SLC20A1: variants seen among roughly 807,000 people sequenced by gnomAD.
The protein encoded by SLC20A1 is sodium-dependent phosphate transporter 1.
Under a neutral mutation model 62.7 loss-of-function variants are expected in SLC20A1, and 28 were observed. That is an observed-to-expected ratio of 0.45 (90% CI 0.33 to 0.61). The LOEUF (loss-of-function observed/expected upper bound fraction) is 0.61. Ranked by LOEUF, SLC20A1 falls within the 20% of genes least tolerant of loss-of-function variation. The pLI is 0.02. For synonymous variants in SLC20A1, 305 were observed against 302.9 expected (o/e 1.01, Z -0.07); for missense variants, 673 against 838.6 (o/e 0.80, Z 2.44).
chr2:112,661,513 T>A (rs1686748492), intron 10 of SLC20A1, among the ~76,000 whole-genome samples: 1 of 152,054 alleles, frequency 6.6e-6, no homozygotes, highest in South Asian at 2.1e-4. Flanking sequence ...ATTTTTTTTT[T>A]AATCTCAAGA....
chr2:112,663,142 C>A lies in SLC20A1; in HGVS notation c.*117C>A. 8.4e-7 allele frequency: 1 copy of A among 1,186,898 alleles called. No individual in the cohort carries two copies. Among genetic ancestry groups the A allele is most frequent in the Non-Finnish European group, 1.3e-6 (1 of 792,588 alleles). The allele number at this position is 1,186,898 out of a possible 1,614,324, so 73.5% of individuals were successfully genotyped here. On this transcript the variant is annotated 3_prime_UTR_variant, in exon 11 of 11. Coordinates refer to ENST00000272542, the MANE Select transcript of SLC20A1 (RefSeq NM_005415.5). ...TGACAAGAGTCTTTTTATTTGGGAG[C>A]CAGAGGAGGGAAGTGTTACTTGTGC...
At position 112,659,349 on chromosome 2, in the gene SLC20A1, C is replaced by G. The variant is rs756338885; in HGVS notation, c.1194C>G (p.Ala398=). The change falls in exon 8 of 11, where the codon GCC becomes GCG. Residue 398 remains alanine (A), a synonymous_variant. Coordinates refer to ENST00000272542, the MANE Select transcript of SLC20A1 (RefSeq NM_005415.5). ...YKELLHKLHL[A]KVGDCMGDSG... ...AGCTACTCCATAAATTACATCTTGC[C>G]AAGGTGGGAGATTGCATGGGAGACT... The G allele has an allele frequency of 1.2e-6, 2 of 1,614,122 alleles. No homozygotes were observed. Among genetic ancestry groups the G allele is most frequent in the Non-Finnish European group, 1.7e-6 (2 of 1,180,036 alleles).
At chr2:112,655,892 G>A (rs1686571575) in intron 5 of SLC20A1, among the ~76,000 whole-genome samples, 1 of 151,742 alleles carries the variant, frequency 6.6e-6, no homozygotes, top group Non-Finnish European at 1.5e-5. Context: ...GTGGAGACGG[G>A]GTTTCACCAT....
In SLC20A1 at chr2:112,646,530, C is replaced by T. The variant is rs781725184; in HGVS notation, c.-266-33C>T. The T allele has an allele frequency of 1.6e-3, 257 of 155,886 alleles. 2 individuals carry two copies. The highest frequency in any genetic ancestry group is 2.7e-3 in the Admixed American group (41 of 15,384). 9.7% of individuals were successfully genotyped at this position (155,886 alleles called of 1,614,324 possible). On this transcript the variant is annotated intron_variant, in intron 1 of 10. Coordinates refer to ENST00000272542, the MANE Select transcript of SLC20A1 (RefSeq NM_005415.5). ...GTGCCCCACTGGCCCCCCAGGGGCA[C>T]GCAGCTATTGTTATTTCCCCCCTCC...
rs1686665694 is a variant in SLC20A1 at position 112,658,739 on chromosome 2, GT to G, written c.779-80del. 100 of 1,431,724 alleles carry G rather than the reference GT, an allele frequency of 7.0e-5. No individual in the cohort carries two copies. In the South Asian group the frequency reaches 1.3e-3, roughly 18 times the overall value. 88.7% of individuals were successfully genotyped at this position (1,431,724 alleles called of 1,614,324 possible). On this transcript the variant is annotated intron_variant, in intron 6 of 10. Coordinates refer to ENST00000272542, the MANE Select transcript of SLC20A1 (RefSeq NM_005415.5). ...CACATACATTCTTGTTTTGAGATGA[GT>G]TTTTTGGGGGTGGAGGAAAGGAGAC...
In SLC20A1 at chr2:112,658,642, T is replaced by G. The variant is rs576286813; in HGVS notation, c.779-183T>G. The G allele has an allele frequency of 2.2e-5, 15 of 675,796 alleles. No individual in the cohort carries two copies. The East Asian group carries it at 4.3e-4, about 19-fold the overall frequency. 41.9% of individuals were successfully genotyped at this position (675,796 alleles called of 1,614,324 possible). ...ACATAGGGTGTTCTGCATTGCTGGT[T>G]GTTCCCAAGTGAGAGTTGCTGGCAA... On this transcript the variant is annotated intron_variant, in intron 6 of 10. Transcript: ENST00000272542.
rs11552051 is a variant in SLC20A1, at chr2:112,663,745, T to C, written c.*720T>C. 2,016 of 153,166 alleles carry C rather than the reference T, an allele frequency of 0.013. 23 individuals carry two copies. The highest frequency in any genetic ancestry group is 0.021 in the South Asian group (100 of 4,844). The allele number at this position is 153,166 out of a possible 1,614,324, so 9.5% of individuals were successfully genotyped here. A position where few individuals can be genotyped will look rare whatever the true frequency, so the allele number is the denominator to read the frequency against. ...GATGAATGAAGTGGAATGTGAACTT[T>C]GGGCAAGTTAAGTGGGACAGCCTTC... On this transcript the variant is annotated 3_prime_UTR_variant, in exon 11 of 11. Transcript: ENST00000272542.
Position 112,658,861 on chromosome 2 carries a change from T to TG in SLC20A1, c.817dup (p.Glu273GlyfsTer5), listed in dbSNP as rs777117162. 6 of 1,613,256 alleles carry TG rather than the reference T, an allele frequency of 3.7e-6. No homozygotes were observed. The highest frequency in any genetic ancestry group is 1.3e-5 in the African/African-American group (1 of 74,804). On this transcript the variant is annotated frameshift_variant, in exon 7 of 11. Coordinates refer to ENST00000272542, the MANE Select transcript of SLC20A1 (RefSeq NM_005415.5). LOFTEE classifies it high-confidence loss of function. ...TGTAGTCCTTCTGAAAGCCCCTTAA[T>TG]GGAAAAAAAGAATAGCTTGAAAGAA...
intron 5 of SLC20A1, among the ~76,000 whole-genome samples, chr2:112,654,496 A>G (rs1420427376): frequency 1.3e-5 from 2 of 152,236 alleles, no homozygotes; most frequent in African/African-American, 4.8e-5. Flanking sequence ...ATGTAGACCA[A>G]CTTAAATTGT....
At position 112,659,446 on chromosome 2, in the gene SLC20A1, G is replaced by T. The variant is rs546806589; in HGVS notation, c.1291G>T (p.Asp431Tyr). 6 of 1,614,208 alleles carry T rather than the reference G, an allele frequency of 3.7e-6. No individual in the cohort carries two copies. The East Asian group carries it at 1.3e-4, about 36-fold the overall frequency. ...CATGGCAATATGTGGCATGCCTCTG[G>T]ATTCATTCCGTGCCAAAGAAGGTGA... The part of the protein sequence containing the change: ...YTMAICGMPL[D>Y]SFRAKEGEQK... The change falls in exon 8 of 11, where the codon GAT (aspartate) becomes TAT (tyrosine). Residue 431 changes from aspartate to tyrosine, a missense_variant. Asp to Tyr is a radical substitution (Grantham distance 160, BLOSUM62 -3). Transcript: ENST00000272542.
In SLC20A1 at chr2:112,662,864, G is replaced by A. The variant is rs1195784160; in HGVS notation, c.1879G>A (p.Val627Met). The change falls in exon 11 of 11, where the codon GTG (valine) becomes ATG (methionine). Residue 627 changes from valine to methionine, a missense_variant and splice_region_variant. Transcript: ENST00000272542. Reference sequence around the variant, plus strand: ...TTTCCTTGGTCTGCTTCTCTTCTAGGTGGGCTCTGTTGTGTCTGTTGGCTG... The same window carrying A: ...TTTCCTTGGTCTGCTTCTCTTCTAGATGGGCTCTGTTGTGTCTGTTGGCTG... ...GLPISTTHCK[V>M]GSVVSVGWLR... 2 of 1,613,792 alleles carry A rather than the reference G, an allele frequency of 1.2e-6. No individual in the cohort carries two copies. The highest frequency in any genetic ancestry group is 1.7e-6 in the Non-Finnish European group (2 of 1,179,956).
chr2:112,660,637 GA>G, intron 9 of SLC20A1, 65 bp downstream of exon 9: 1 of 1,359,864 alleles, frequency 7.4e-7, no homozygotes, highest in Middle Eastern at 2.1e-4. Flanking sequence ...TAACACTGTC[GA>G]GTGCTAACAC....
At chr2:112,657,443 A>G (rs72948487) in intron 6 of SLC20A1, among the ~76,000 whole-genome samples, 259 of 152,344 alleles carry the variant, frequency 1.7e-3, no homozygotes, top group African/African-American at 5.8e-3. Flanking sequence ...ATGGACTTAC[A>G]TGACCTAAGA....
In SLC20A1 at chr2:112,659,029, CAGAG is replaced by C; in HGVS notation, c.992_995del (p.Glu331GlyfsTer7). The C allele has an allele frequency of 6.2e-7, 1 of 1,613,464 alleles. No homozygotes were observed. The highest frequency in any genetic ancestry group is 1.7e-5 in the Admixed American group (1 of 59,982). On this transcript the variant is annotated frameshift_variant, in exon 7 of 11. Coordinates refer to ENST00000272542, the MANE Select transcript of SLC20A1 (RefSeq NM_005415.5). LOFTEE classifies it high-confidence loss of function. ...AAACTTGGAGATTTGGAGGAAGCTC[CAGAG>C]AGAGAGAGGCTTCCCAGCGTGGACT...
At chr2:112,658,632 C>CA in intron 6 of SLC20A1, 193 bp from the exon 7 acceptor site, 1 of 623,510 alleles carries the variant, frequency 1.6e-6, no homozygotes. Context: ...GGGTGTTCTG[C>CA]ATTGCTGGTT....
chr2:112,653,072 C>G (rs1686483919), intron 5 of SLC20A1: 1 of 646,786 alleles, frequency 1.5e-6, no homozygotes, highest in East Asian at 3.6e-5. Context: ...CCTTCCCTTT[C>G]TCCTGTCTAT....
chr2:112,646,887 A>T lies in SLC20A1; in HGVS notation c.59A>T (p.Asp20Val). The T allele has an allele frequency of 1.2e-6, 2 of 1,613,618 alleles. No individual in the cohort carries two copies. Among genetic ancestry groups the T allele is most frequent in the Non-Finnish European group, 1.7e-6 (2 of 1,179,852 alleles). The change falls in exon 2 of 11, where the codon GAC becomes GTC. Residue 20 changes from aspartate (D) to valine (V), a missense_variant. Coordinates refer to ENST00000272542, the MANE Select transcript of SLC20A1 (RefSeq NM_005415.5). Reference protein sequence around the residue: ...AATAASGPLVDYLWMLILGFI... With the variant: ...AATAASGPLVVYLWMLILGFI... Reference sequence around the variant, plus strand: ...ACCGCCGCTTCTGGTCCTTTGGTGGACTACCTATGGATGCTCATCCTGGGC... The same window carrying T: ...ACCGCCGCTTCTGGTCCTTTGGTGGTCTACCTATGGATGCTCATCCTGGGC...
Position 112,663,051 on chromosome 2 carries a change from C to A in SLC20A1, c.*26C>A. 6.2e-7 allele frequency: 1 copy of A among 1,612,752 alleles called. No homozygotes were observed. The highest frequency in any genetic ancestry group is 1.1e-5 in the South Asian group (1 of 90,886). ...AGCTGTTTGAGATTAAAATTTGTGTCAATGTTTGGGACCATCTTAGGTATT... is the reference window on the plus strand; with the variant it reads ...AGCTGTTTGAGATTAAAATTTGTGTAAATGTTTGGGACCATCTTAGGTATT... On this transcript the variant is annotated 3_prime_UTR_variant, in exon 11 of 11. Coordinates refer to ENST00000272542, the MANE Select transcript of SLC20A1 (RefSeq NM_005415.5).
chr2:112,652,232 T>C (rs190943038), intron 4 of SLC20A1: 1 of 158,448 alleles, frequency 6.3e-6, no homozygotes, highest in East Asian at 1.8e-4. Context: ...TTGTGGCATC[T>C]TTGTCAGATG....
Sources: allele counts gnomAD v4.1 joint callset (sites outside exome capture counted in the v4.1 genomes callset), GRCh38; gene constraint gnomAD v4.1.1; transcripts MANE v1.5; gene names NCBI Gene and HGNC (gene_info 2026-07-23, HGNC 2026-07-21).